ANHX: variants seen among roughly 807,000 people sequenced by gnomAD.
ANHX encodes anomalous homeobox, also known as anomalous homeobox protein.
ANHX carries 20 observed loss-of-function variants against 38.9 expected under a neutral mutation model. That is an observed-to-expected ratio of 0.51 (90% CI 0.36 to 0.75). ANHX has a LOEUF of 0.75. ANHX is among the 30% of genes least tolerant of loss of function. The pLI is 0.00. For missense variants in ANHX, 475 were observed against 493.1 expected, an observed-to-expected ratio of 0.96 and a Z score of 0.35; for synonymous variants, 185 against 203.1, an observed-to-expected ratio of 0.91 and a Z score of 0.76.
At chr12:133,234,447 C>A in intron 1 of ANHX, 69 bp from the exon 2 acceptor site, 2 of 1,469,882 alleles carry the variant, frequency 1.4e-6, no homozygotes, top group South Asian at 1.4e-5. Flanking sequence ...AATCGCCCAA[C>A]CCACTCTGCA....
chr12:133,224,828 G>A (rs148017235), intron 7 of ANHX, among the ~76,000 whole-genome samples: 58,808 of 149,694 alleles, frequency 0.39, 12,025 homozygotes, highest in East Asian at 0.69. Flanking sequence ...TTAGCCAGGC[G>A]TGGTGGCGGG....
chr12:133,223,461 T>C (rs1431730448), intron 7 of ANHX, among the ~76,000 whole-genome samples: 1 of 150,060 alleles, frequency 6.7e-6, no homozygotes, highest in Non-Finnish European at 1.5e-5. Flanking sequence ...TTTTTTTTTT[T>C]TTGAGACGGA....
At chr12:133,232,174 G>A (rs1025546771) in intron 2 of ANHX, among the ~76,000 whole-genome samples, 1 of 73,538 alleles carries the variant, frequency 1.4e-5, no homozygotes, top group African/African-American at 4.9e-5. Flanking sequence ...TCAGGTACTC[G>A]GCACAATCTA....
At chr12:133,223,422 C>A (rs1490587557) in intron 7 of ANHX, among the ~76,000 whole-genome samples, 1 of 150,738 alleles carries the variant, frequency 6.6e-6, no homozygotes, top group Non-Finnish European at 1.5e-5. Flanking sequence ...AAAAAATGCC[C>A]AGAGCTTACA....
chr12:133,220,762 G>A (rs1431082284), intron 8 of ANHX, among the ~76,000 whole-genome samples: 4 of 152,102 alleles, frequency 2.6e-5, no homozygotes, highest in Non-Finnish European at 5.9e-5. Context: ...GGCTGGCCCC[G>A]AAGGCCCTGG....
chr12:133,229,325 T>C (rs1379035130), intron 3 of ANHX, among the ~76,000 whole-genome samples: 2 of 152,206 alleles, frequency 1.3e-5, no homozygotes, highest in African/African-American at 4.8e-5. Flanking sequence ...ATATTACTTG[T>C]CTGTAGAAGG....
intron 9 of ANHX, 68 bp downstream of exon 9, chr12:133,219,215 C>G: frequency 7.2e-7 from 1 of 1,387,514 alleles, no homozygotes; most frequent in Non-Finnish European, 9.9e-7. Context: ...CTGAACCCTC[C>G]TCAGCACCAT....
intron 3 of ANHX, among the ~76,000 whole-genome samples, chr12:133,230,688 G>A (rs1023465914): frequency 6.6e-6 from 1 of 152,128 alleles, no homozygotes; most frequent in Non-Finnish European, 1.5e-5. Flanking sequence ...GCTTGAGCCC[G>A]GGAAGTTGAG....
chr12:133,219,002 G>A (rs1329597265), intron 9 of ANHX, 31 bp from the exon 10 acceptor site: 1 of 1,508,904 alleles, frequency 6.6e-7, no homozygotes, highest in South Asian at 1.2e-5. Context: ...AAACACAGAG[G>A]CTTCCTTTCC....
intron 1 of ANHX, 78 bp from the exon 2 acceptor site, chr12:133,234,456 CAAAG>C (rs1265834928): frequency 2.7e-6 from 4 of 1,455,680 alleles, no homozygotes; most frequent in Admixed American, 2.2e-5. Context: ...ACCCACTCTG[CAAAG>C]CAGGTGATGC....
intron 4 of ANHX, 149 bp from the exon 5 acceptor site, chr12:133,227,301 G>T (rs1425080227): frequency 1.1e-6 from 1 of 876,974 alleles, no homozygotes; most frequent in African/African-American, 1.7e-5. Context: ...CGGTGAGCAT[G>T]AGCAGAACAT....
intron 2 of ANHX, among the ~76,000 whole-genome samples, chr12:133,233,503 C>G (rs190414478): frequency 3.9e-5 from 6 of 152,240 alleles, no homozygotes; most frequent in Non-Finnish European, 2.9e-5. Context: ...CAGCAAGTAA[C>G]GCAGGCATCC....
chr12:133,224,665 A>G, intron 7 of ANHX, among the ~76,000 whole-genome samples: 1 of 25,596 alleles, frequency 3.9e-5, no homozygotes, highest in East Asian at 0.017. Flanking sequence ...TCCATCTCAA[A>G]AAAAAAAAAA....
chr12:133,224,781 G>C (rs142670699), intron 7 of ANHX, among the ~76,000 whole-genome samples: 5,686 of 150,544 alleles, frequency 0.038, 212 homozygotes, highest in African/African-American at 0.099. Context: ...CTGGCTAACA[G>C]GGTGAAACCC....
In ANHX at chr12:133,227,915, C is replaced by T; in HGVS notation, c.410G>A (p.Gly137Glu). ...TCTGGGGAAGTTCCGGCTCTTCAGC[C>T]CCTCTGGGCAGAGGGAGGGGGGCGG... ...NPPPPSLCPE[G>E]LKSRNFPREV... Residue 137 changes from glycine (G) to glutamate (E), a missense_variant, in exon 4 of 10, where the codon GGG becomes GAG. By Grantham distance (98) the Gly-to-Glu change is moderately conservative. Transcript: ENST00000545940. 1 of 1,528,784 alleles carries T rather than the reference C, an allele frequency of 6.5e-7. No homozygotes were observed. The highest frequency in any genetic ancestry group is 8.7e-7 in the Non-Finnish European group (1 of 1,144,286). The allele number at this position is 1,528,784 out of a possible 1,614,324, so 94.7% of individuals were successfully genotyped here.
rs1366419058 is a variant in ANHX, at chr12:133,221,078, T to G, written c.1280+127A>C. ...TGTAGGCTTGTGGGGACTGTTACAG[T>G]TTTCAGCAATCCAAAGGAGAGGACC... On this transcript the variant is annotated intron_variant, in intron 8 of 9. Coordinates refer to ENST00000545940, the MANE Select transcript of ANHX (RefSeq NM_001372060.1). The surrounding 1 kb of genome is among the most constrained non-coding windows in gnomAD (Gnocchi z 4.1). 6.4e-6 allele frequency: 8 copies of G among 1,255,012 alleles called. No homozygotes were observed. In the African/African-American group the frequency reaches 1.1e-4, roughly 17 times the overall value. The allele number at this position is 1,255,012 out of a possible 1,614,324, so 77.7% of individuals were successfully genotyped here. A position where few individuals can be genotyped will look rare whatever the true frequency, so the allele number is the denominator to read the frequency against.
chr12:133,221,470 G>A lies in ANHX; in HGVS notation c.1133-118C>T, dbSNP rs903531586. On this transcript the variant is annotated intron_variant, in intron 7 of 9. Coordinates refer to ENST00000545940, the MANE Select transcript of ANHX (RefSeq NM_001372060.1). The surrounding 1 kb of genome is among the most constrained non-coding windows in gnomAD (Gnocchi z 4.1). The stretch of plus-strand genomic sequence containing the variant: ...GCAGCCTCCGGCCCAGCCAGCCCGC[G>A]CCACGTGAACCAGACTCACGGTCCC... 24 of 1,201,212 alleles carry A rather than the reference G, an allele frequency of 2.0e-5. No homozygotes were observed. The highest frequency in any genetic ancestry group is 2.9e-4 in the Middle Eastern group (1 of 3,470). The allele number at this position is 1,201,212 out of a possible 1,614,324, so 74.4% of individuals were successfully genotyped here. A position where few individuals can be genotyped will look rare whatever the true frequency, so the allele number is the denominator to read the frequency against.
Position 133,218,641 on chromosome 12 carries a change from G to A in ANHX, c.*244C>T. 2.8e-6 allele frequency: 1 copy of A among 363,186 alleles called. No homozygotes were observed. The highest frequency in any genetic ancestry group is 5.0e-6 in the Non-Finnish European group (1 of 201,602). The allele number at this position is 363,186 out of a possible 1,614,324, so 22.5% of individuals were successfully genotyped here. A position where few individuals can be genotyped will look rare whatever the true frequency, so the allele number is the denominator to read the frequency against. ...GATCCAGTGCTGCGTGAGTGGGACA[G>A]ACCCACCTTTGACTTCTGATCTCAC... On this transcript the variant is annotated 3_prime_UTR_variant, in exon 10 of 10. Coordinates refer to ENST00000545940, the MANE Select transcript of ANHX (RefSeq NM_001372060.1).
chr12:133,227,911 C>T lies in ANHX; in HGVS notation c.414G>A (p.Leu138=). The change falls in exon 4 of 10, where the codon CTG becomes CTA. Residue 138 remains leucine, a synonymous_variant. Transcript: ENST00000545940. ...PPPPSLCPEG[L]KSRNFPREVR... is the part of the protein sequence containing the mutation. ...CCTCTCTGGGGAAGTTCCGGCTCTT[C>T]AGCCCCTCTGGGCAGAGGGAGGGGG... 6.5e-7 allele frequency: 1 copy of T among 1,530,636 alleles called. No individual in the cohort carries two copies. Among genetic ancestry groups the T allele is most frequent in the Non-Finnish European group, 8.7e-7 (1 of 1,144,922 alleles). 94.8% of individuals were successfully genotyped at this position (1,530,636 alleles called of 1,614,324 possible).
Sources: gnomAD v4.1 joint callset for allele counts (sites outside exome capture counted in the v4.1 genomes callset) on GRCh38, gnomAD v4.1.1 for gene constraint, Gnocchi (gnomAD v3.1) non-coding constraint, MANE v1.5 for transcripts, NCBI Gene and HGNC (gene_info 2026-07-23, HGNC 2026-07-21) for gene names.